Variants in BCL2 observed in about 807,000 individuals in gnomAD.
The protein encoded by BCL2 is apoptosis regulator Bcl-2.
Under a neutral mutation model 14.2 loss-of-function variants are expected in BCL2, and 1 was observed. The observed-to-expected ratio is 0.07, with a 90% CI of 0.02 to 0.33. The LOEUF is 0.33. BCL2 is among the 10% of genes least tolerant of loss of function. The probability of loss-of-function intolerance (pLI) is 0.99; values close to 1 mark genes in which losing one functional copy is unlikely to be tolerated. For missense variants in BCL2, 247 were observed against 305.9 expected (o/e 0.81, Z 1.44); for synonymous variants, 151 against 137.2 (o/e 1.10, Z -0.70).
chr18:63,131,724 G>A (rs767383268), intron 2 of BCL2, among the ~76,000 whole-genome samples: 9 of 152,202 alleles, frequency 5.9e-5, no homozygotes, highest in South Asian at 2.1e-4. Context: ...GTCAGTGGCC[G>A]GGCTCTGAAT....
In BCL2 at chr18:63,226,964, A is replaced by C. The variant is rs1599256799; in HGVS notation, c.585+91118T>G. Among the ~76,000 whole-genome samples the C allele has an allele frequency of 5.3e-5, 8 of 152,170 alleles. 1 individual carries two copies. In the South Asian group the frequency reaches 1.7e-3, roughly 32 times the overall value. On this transcript the variant is annotated intron_variant, in intron 2 of 2. Transcript: ENST00000333681. ...AGAAAATATTCAGAGACTAGGACAA[A>C]ATTTTTCAGAATCGGTGAATGTCAG...
At chr18:63,271,783 T>A (rs947524111) in intron 2 of BCL2, among the ~76,000 whole-genome samples, 1 of 152,116 alleles carries the variant, frequency 6.6e-6, no homozygotes, top group Admixed American at 6.5e-5. Context: ...CATCTTGGGG[T>A]CTAATGTAAC....
intron 2 of BCL2, among the ~76,000 whole-genome samples, chr18:63,161,007 T>C (rs1914907619): frequency 6.6e-6 from 1 of 152,114 alleles, no homozygotes; most frequent in African/African-American, 2.4e-5. Flanking sequence ...ATTCAAAATG[T>C]CCCAAAACAT....
intron 2 of BCL2, among the ~76,000 whole-genome samples, chr18:63,240,685 T>C (rs1030617443): frequency 2.6e-5 from 4 of 152,252 alleles, no homozygotes; most frequent in Non-Finnish European, 5.9e-5. Context: ...CCCAATTCCC[T>C]GCCTTTGTCG....
chr18:63,173,013 T>C (rs894783515), intron 2 of BCL2, among the ~76,000 whole-genome samples: 6 of 152,054 alleles, frequency 3.9e-5, no homozygotes. Flanking sequence ...AATTAAAAAC[T>C]GAAAAAAGAC....
chr18:63,208,982 T>C (rs544843243), intron 2 of BCL2, among the ~76,000 whole-genome samples: 1 of 152,196 alleles, frequency 6.6e-6, no homozygotes, highest in Non-Finnish European at 1.5e-5. Context: ...CACAGTGATG[T>C]TTGGGGTCTC....
rs1030095490 is a variant in BCL2 at position 63,181,153 on chromosome 18, C to G, written c.586-52394G>C. On this transcript the variant is annotated intron_variant, in intron 2 of 2. Transcript: ENST00000333681. The stretch of plus-strand genomic sequence containing the variant: ...ACCAGAAATGAAAAAGCGTTTTCTC[C>G]TTGTTTGGCTGCAGGTTACTAATTT... Among the ~76,000 whole-genome samples, 6 of 152,176 alleles carry G rather than the reference C, an allele frequency of 3.9e-5. 1 individual carries two copies. The highest frequency in any genetic ancestry group is 4.4e-5 in the Non-Finnish European group (3 of 68,040).
intron 2 of BCL2, among the ~76,000 whole-genome samples, chr18:63,253,993 T>C (rs1296400000): frequency 6.6e-6 from 1 of 151,862 alleles, no homozygotes; most frequent in Non-Finnish European, 1.5e-5. Context: ...GTTCTTGAAA[T>C]ACATATAAAG....
intron 2 of BCL2, among the ~76,000 whole-genome samples, chr18:63,259,793 G>A (rs147289111): frequency 7.0e-4 from 106 of 152,318 alleles, no homozygotes; most frequent in Non-Finnish European, 1.0e-3. Context: ...TCAAATACTC[G>A]CTGTATGTGG....
Position 63,168,064 on chromosome 18 carries a change from A to AAAC in BCL2, c.586-39308_586-39306dup, listed in dbSNP as rs991480408. Among the ~76,000 whole-genome samples the AAAC allele has an allele frequency of 2.0e-5, 3 of 151,794 alleles. 1 individual carries two copies. The highest frequency in any genetic ancestry group is 4.4e-5 in the Non-Finnish European group (3 of 67,968). ...GACAAGAGAGTGGGGCCCTTTCTCTAAACAACAACAACAACATGATTGTTG... is the reference window on the plus strand; with the variant it reads ...GACAAGAGAGTGGGGCCCTTTCTCTAAACAACAACAACAACAACATGATTGTTG... On this transcript the variant is annotated intron_variant, in intron 2 of 2. Coordinates refer to ENST00000333681, the MANE Select transcript of BCL2 (RefSeq NM_000633.3).
intron 2 of BCL2, among the ~76,000 whole-genome samples, chr18:63,312,466 T>C (rs1913358865): frequency 6.6e-6 from 1 of 152,196 alleles, no homozygotes; most frequent in Admixed American, 6.5e-5. Flanking sequence ...CAAGTGACAA[T>C]CTATAAAAAT....
At position 63,156,179 on chromosome 18, in the gene BCL2, T is replaced by C. The variant is rs1207926285; in HGVS notation, c.586-27420A>G. Among the ~76,000 whole-genome samples the C allele has an allele frequency of 9.7e-5, 14 of 143,592 alleles. No individual in the cohort carries two copies. In the Admixed American group the frequency reaches 1.0e-3, roughly 10 times the overall value. The allele number at this position is 143,592 out of a possible 152,430, so 94.2% of individuals were successfully genotyped here. ...GAGGAGAAGAAAGCAAGAGCCAACATAGAGTCTTGCCCAGCAATAGCATGG... is the reference window on the plus strand; with the variant it reads ...GAGGAGAAGAAAGCAAGAGCCAACACAGAGTCTTGCCCAGCAATAGCATGG... On this transcript the variant is annotated intron_variant, in intron 2 of 2. Transcript: ENST00000333681.
In BCL2 at chr18:63,173,184, T is replaced by A. The variant is rs758559540; in HGVS notation, c.586-44425A>T. Among the ~76,000 whole-genome samples the A allele has an allele frequency of 1.2e-4, 19 of 152,324 alleles. No individual in the cohort carries two copies. In the South Asian group the frequency reaches 1.5e-3, roughly 12 times the overall value. ...AGACATCATATTGTTTAACTTGAAA[T>A]AACCTTTCACAACCACAAGAAGTTT... is the stretch of plus-strand genomic sequence containing the variant. On this transcript the variant is annotated intron_variant, in intron 2 of 2. Coordinates refer to ENST00000333681, the MANE Select transcript of BCL2 (RefSeq NM_000633.3).
At chr18:63,144,981 C>T (rs994211251) in intron 2 of BCL2, among the ~76,000 whole-genome samples, 5 of 152,302 alleles carry the variant, frequency 3.3e-5, no homozygotes, top group Middle Eastern at 3.4e-3. Flanking sequence ...TAGGGCTGCA[C>T]GTGCCATCTC....
intron 2 of BCL2, among the ~76,000 whole-genome samples, chr18:63,190,361 G>A (rs1011388961): frequency 3.3e-5 from 5 of 152,164 alleles, no homozygotes; most frequent in Admixed American, 1.3e-4. Flanking sequence ...ACAAATGATA[G>A]CCCATTCTTT....
At chr18:63,295,501 C>T (rs748302734) in intron 2 of BCL2, among the ~76,000 whole-genome samples, 1 of 152,144 alleles carries the variant, frequency 6.6e-6, no homozygotes. Context: ...CTCTGGCCTT[C>T]GAAACTCATA....
intron 2 of BCL2, among the ~76,000 whole-genome samples, chr18:63,156,087 CAAAAAA>C (rs10640757): frequency 1.6e-5 from 1 of 64,252 alleles, no homozygotes; most frequent in African/African-American, 5.4e-5. Flanking sequence ...GCTGAGAAGC[CAAAAAA>C]AAAAAAAAAA....
chr18:63,123,695 A>T lies in BCL2; in HGVS notation c.*4930T>A, dbSNP rs1318145503. ...AACCCCAGTAACTCAAAACAAAAGC[A>T]AACCTTGGTTGAAAACTTAAGAAGG... On this transcript the variant is annotated 3_prime_UTR_variant, in exon 3 of 3. Transcript: ENST00000333681. 4 of 214,662 alleles carry T rather than the reference A, an allele frequency of 1.9e-5. No individual in the cohort carries two copies. Among genetic ancestry groups the T allele is most frequent in the African/African-American group, 9.0e-5 (4 of 44,262 alleles). The allele number at this position is 214,662 out of a possible 1,614,324, so 13.3% of individuals were successfully genotyped here.
chr18:63,179,922 G>T (rs1915444938), intron 2 of BCL2, among the ~76,000 whole-genome samples: 1 of 152,162 alleles, frequency 6.6e-6, no homozygotes, highest in South Asian at 2.1e-4. Context: ...TTCTCTGATT[G>T]ATCATTCATT....
Sources: gnomAD v4.1 joint callset for allele counts (sites outside exome capture counted in the v4.1 genomes callset) on GRCh38, gnomAD v4.1.1 for gene constraint, MANE v1.5 for transcripts, NCBI Gene and HGNC (gene_info 2026-07-23, HGNC 2026-07-21) for gene names.